PTPRD: variants seen among roughly 807,000 people sequenced by gnomAD.
PTPRD encodes the protein receptor-type tyrosine-protein phosphatase delta.
A neutral mutation model predicts 214.5 loss-of-function variants in PTPRD; 34 were observed. The ratio of observed to expected loss-of-function variants is 0.16; its 90% confidence interval spans 0.12 to 0.21. The LOEUF is 0.21. PTPRD is among the 10% of genes least tolerant of loss of function. The pLI is 1.00. For missense variants in PTPRD, 2,545 were observed against 2,398.7 expected (o/e 1.06, Z -1.27); for synonymous variants, 1,128 against 845.7 (o/e 1.33, Z -5.79).
chr9:9,759,292 A>C (rs190458204), intron 6 of PTPRD, among the ~76,000 whole-genome samples: 60 of 152,218 alleles, frequency 3.9e-4, no homozygotes, highest in African/African-American at 1.4e-3. Flanking sequence ...ACTATGTACC[A>C]TTGGTAAACT....
At chr9:8,622,128 G>T (rs2095844730) in intron 14 of PTPRD, among the ~76,000 whole-genome samples, 1 of 151,874 alleles carries the variant, frequency 6.6e-6, no homozygotes, top group East Asian at 2.0e-4. Flanking sequence ...AATGATAAGT[G>T]CAGCAATAAA....
chr9:10,063,106 C>T (rs2097804628), intron 3 of PTPRD, among the ~76,000 whole-genome samples: 1 of 151,996 alleles, frequency 6.6e-6, no homozygotes, highest in East Asian at 1.9e-4. Flanking sequence ...GCTTAATTAG[C>T]AGTAGGAATC....
At chr9:10,336,075 A>T (rs1250396874) in intron 3 of PTPRD, among the ~76,000 whole-genome samples, 1 of 151,758 alleles carries the variant, frequency 6.6e-6, no homozygotes, top group Admixed American at 6.6e-5. Context: ...TAATCCAGCA[A>T]TTGTGCTCCT....
intron 9 of PTPRD, among the ~76,000 whole-genome samples, chr9:9,325,464 A>G (rs1479981868): frequency 1.3e-5 from 2 of 152,018 alleles, no homozygotes; most frequent in Non-Finnish European, 2.9e-5. Flanking sequence ...ATTGTGAATG[A>G]GAGGTCACTC....
At chr9:9,232,963 T>C (rs1348063844) in intron 9 of PTPRD, among the ~76,000 whole-genome samples, 1 of 152,102 alleles carries the variant, frequency 6.6e-6, no homozygotes, top group Non-Finnish European at 1.5e-5. Context: ...TTCTTCTATA[T>C]AGGAGATGGG....
intron 4 of PTPRD, among the ~76,000 whole-genome samples, chr9:9,975,225 A>G (rs570741555): frequency 6.6e-6 from 1 of 151,926 alleles, no homozygotes; most frequent in Non-Finnish European, 1.5e-5. Context: ...ATATCCATGG[A>G]CTCCTTTATT....
chr9:10,195,098 AT>A (rs34900305), intron 3 of PTPRD, among the ~76,000 whole-genome samples: 14,354 of 97,872 alleles, frequency 0.15, 426 homozygotes, highest in African/African-American at 0.18. Context: ...ATACCCGGCT[AT>A]TTTTTTTTTT....
At chr9:9,646,417 A>C (rs1219114814) in intron 7 of PTPRD, among the ~76,000 whole-genome samples, 2 of 151,530 alleles carry the variant, frequency 1.3e-5, no homozygotes, top group Non-Finnish European at 2.9e-5. Context: ...TTGTTGAAAA[A>C]CCATTTAGCA....
chr9:9,658,639 T>C (rs905017527), intron 7 of PTPRD, among the ~76,000 whole-genome samples: 1 of 152,154 alleles, frequency 6.6e-6, no homozygotes, highest in African/African-American at 2.4e-5. Flanking sequence ...TTATATGCTA[T>C]GAAAATTCTG....
chr9:10,267,711 A>G, intron 3 of PTPRD, among the ~76,000 whole-genome samples: 1 of 152,166 alleles, frequency 6.6e-6, no homozygotes, highest in Admixed American at 6.5e-5. Flanking sequence ...CATAATAGTA[A>G]ATATAAATGT....
intron 14 of PTPRD, among the ~76,000 whole-genome samples, chr9:8,607,993 G>A (rs1403245766): frequency 1.3e-5 from 2 of 152,174 alleles, no homozygotes; most frequent in East Asian, 3.9e-4. Flanking sequence ...CACTTGGGCT[G>A]CAAACATCTG....
chr9:8,509,285 G>A (rs996485261), intron 21 of PTPRD, among the ~76,000 whole-genome samples: 2 of 152,138 alleles, frequency 1.3e-5, no homozygotes, highest in African/African-American at 4.8e-5. Context: ...GCACTGGCAG[G>A]AGCAATAATG....
intron 3 of PTPRD, among the ~76,000 whole-genome samples, chr9:10,171,642 A>G (rs2099207127): frequency 6.6e-6 from 1 of 152,038 alleles, no homozygotes; most frequent in African/African-American, 2.4e-5. Flanking sequence ...CTCCTGCCTC[A>G]GCCTCCTGAG....
intron 14 of PTPRD, among the ~76,000 whole-genome samples, chr9:8,579,484 C>T (rs1469225640): frequency 6.6e-6 from 1 of 152,164 alleles, no homozygotes; most frequent in Non-Finnish European, 1.5e-5. Context: ...CATTTGTTCA[C>T]ACTGACATTT....
chr9:9,091,120 G>C (rs938165208), intron 10 of PTPRD: 21 of 1,451,724 alleles, frequency 1.4e-5, no homozygotes, highest in Non-Finnish European at 1.8e-5. Context: ...ACATTACTGT[G>C]TGAGTTGTGC....
intron 10 of PTPRD, among the ~76,000 whole-genome samples, chr9:9,156,157 G>A (rs1406415944): frequency 6.6e-6 from 1 of 152,072 alleles, no homozygotes; most frequent in Non-Finnish European, 1.5e-5. Flanking sequence ...TTTTAAAAGG[G>A]TTCTGAGAAA....
At chr9:8,666,162 C>G (rs748017833) in intron 12 of PTPRD, among the ~76,000 whole-genome samples, 24 of 151,888 alleles carry the variant, frequency 1.6e-4, no homozygotes, top group Non-Finnish European at 2.8e-4. Flanking sequence ...GTTGAAAAAT[C>G]CAACAATTTA....
intron 11 of PTPRD, among the ~76,000 whole-genome samples, chr9:8,797,541 A>C (rs1280051132): frequency 6.6e-6 from 1 of 152,192 alleles, no homozygotes; most frequent in Non-Finnish European, 1.5e-5. Flanking sequence ...CTTGCCCTTG[A>C]GATCCCTTAC....
At chr9:10,589,535 AAAG>A (rs1243518491) in intron 2 of PTPRD, among the ~76,000 whole-genome samples, 1 of 152,078 alleles carries the variant, frequency 6.6e-6, no homozygotes, top group Non-Finnish European at 1.5e-5. Context: ...GTAAAGTATA[AAAG>A]AAAAAGTAAA....
Sources: gnomAD v4.1 joint callset for allele counts (sites outside exome capture counted in the v4.1 genomes callset) on GRCh38, gnomAD v4.1.1 for gene constraint, MANE v1.5 for transcripts, NCBI Gene and HGNC (gene_info 2026-07-23, HGNC 2026-07-21) for gene names.